The following ENY2 variants were observed in gnomAD, a reference collection of about 807,000 sequenced individuals.
ENY2 encodes transcription and mRNA export factor ENY2.
In ENY2, 4 loss-of-function variants were observed where a neutral mutation model predicts 15.9. The ratio of observed to expected loss-of-function variants is 0.25; its 90% CI spans 0.12 to 0.57. The LOEUF (loss-of-function observed/expected upper bound fraction) is 0.57, where lower values mean the gene tolerates loss of function less well. Among genes scored for constraint, ENY2 ranks in the 20% least tolerant of loss-of-function variants. The pLI is 0.91. For missense variants in ENY2, 54 were observed against 117.2 expected (o/e 0.46, Z 2.49); for synonymous variants, 48 against 38.0 (o/e 1.26, Z -0.97).
chr8:109,338,394 A>C (rs1405994829), intron 2 of ENY2: 1 of 152,220 alleles, frequency 6.6e-6, no homozygotes, highest in Non-Finnish European at 1.5e-5. Context: ...GAGGAACCAG[A>C]AGAATGGAAT....
In ENY2 at chr8:109,336,124, C is replaced by G. The variant is rs1586325007; in HGVS notation, c.7-4C>G. On this transcript the variant is annotated splice_region_variant and splice_polypyrimidine_tract_variant and intron_variant, in intron 1 of 4. Coordinates refer to ENST00000521688, the MANE Select transcript of ENY2 (RefSeq NM_020189.6). ...TATATCTGAAAGTACATGTTGATGT[C>G]CAGGTTAGCAAGATGAACAAAGATG... 1 of 1,612,786 alleles carries G rather than the reference C, an allele frequency of 6.2e-7. No homozygotes were observed.
At chr8:109,342,854 T>A in intron 4 of ENY2, 1 of 564,444 alleles carries the variant, frequency 1.8e-6, no homozygotes, top group Non-Finnish European at 3.2e-6. Flanking sequence ...TGGTAAAATA[T>A]GCTATGTAAA....
At position 109,339,328 on chromosome 8, in the gene ENY2, A is replaced by T. The variant is rs1261900681; in HGVS notation, c.92A>T (p.Glu31Val). The stretch of plus-strand genomic sequence containing the variant: ...CACTTCTGTTTCAACAGCCTCAAAG[A>T]GTTGCTGAGAGCTAAATTAATTGAA... ...IETGERERLK[E>V]LLRAKLIECG... The change falls in exon 3 of 5, where the codon GAG becomes GTG. Residue 31 changes from glutamate (E) to valine (V), a missense_variant. By Grantham distance (121) the Glu-to-Val change is moderately radical (BLOSUM62 -2). Coordinates refer to ENST00000521688, the MANE Select transcript of ENY2 (RefSeq NM_020189.6). 2 of 1,613,678 alleles carry T rather than the reference A, an allele frequency of 1.2e-6. No homozygotes were observed. The highest frequency in any genetic ancestry group is 3.3e-5 in the Admixed American group (2 of 60,006).
rs544787373 is a variant in ENY2, at chr8:109,339,546, G to A, written c.154+156G>A. On this transcript the variant is annotated intron_variant, in intron 3 of 4. Transcript: ENST00000521688. The stretch of plus-strand genomic sequence containing the variant: ...TGGTTTCCTCTTGGTGGCATATGTA[G>A]ACCTAATTCCCAAATTTTTAGAAAT... The A allele has an allele frequency of 2.5e-5, 14 of 569,534 alleles. No homozygotes were observed. The South Asian group carries it at 4.3e-4, about 17-fold the overall frequency. 35.3% of individuals were successfully genotyped at this position (569,534 alleles called of 1,614,324 possible).
chr8:109,337,056 G>C (rs1034911207), intron 2 of ENY2, among the ~76,000 whole-genome samples: 14 of 112,610 alleles, frequency 1.2e-4, no homozygotes, highest in African/African-American at 4.0e-4. Flanking sequence ...CTTTATTTTT[G>C]GATGATGGGA....
Position 109,334,383 on chromosome 8 carries a change from C to G in ENY2, c.-86C>G, listed in dbSNP as rs1269142689. The G allele has an allele frequency of 3.2e-5, 51 of 1,596,194 alleles. No individual in the cohort carries two copies. The highest frequency in any genetic ancestry group is 4.0e-5 in the Non-Finnish European group (47 of 1,167,286). Reference sequence around the variant, plus strand: ...TGCCCGAGCTACTGAGGGTCTAAGTCCGGGCAGCCGAAGAGTGTGGTAGGT... The same window carrying G: ...TGCCCGAGCTACTGAGGGTCTAAGTGCGGGCAGCCGAAGAGTGTGGTAGGT... On this transcript the variant is annotated 5_prime_UTR_variant, in exon 1 of 5. Transcript: ENST00000521688.
At chr8:109,343,093 T>C (rs1465176865) in intron 4 of ENY2, among the ~76,000 whole-genome samples, 1 of 152,238 alleles carries the variant, frequency 6.6e-6, no homozygotes, top group Non-Finnish European at 1.5e-5. Flanking sequence ...AAATTGTTAC[T>C]ATGTTTTAAT....
At chr8:109,343,153 A>G (rs149598768) in intron 4 of ENY2, among the ~76,000 whole-genome samples, 210 of 152,208 alleles carry the variant, frequency 1.4e-3, no homozygotes, top group Middle Eastern at 3.4e-3. Flanking sequence ...GGTCTTCTTT[A>G]CTCCTAAAGA....
intron 4 of ENY2, chr8:109,342,907 T>C (rs774582849): frequency 5.9e-6 from 3 of 504,266 alleles, no homozygotes; most frequent in Non-Finnish European, 1.0e-5. Context: ...GGGACCCTTT[T>C]ATGTTCAAAA....
Position 109,343,579 on chromosome 8 carries a change from A to G in ENY2, c.*98A>G. The G allele has an allele frequency of 9.2e-7, 1 of 1,089,838 alleles. No individual in the cohort carries two copies. The highest frequency in any genetic ancestry group is 1.3e-6 in the Non-Finnish European group (1 of 745,164). 67.5% of individuals were successfully genotyped at this position (1,089,838 alleles called of 1,614,324 possible). A position where few individuals can be genotyped will look rare whatever the true frequency, so the allele number is the denominator to read the frequency against. On this transcript the variant is annotated 3_prime_UTR_variant, in exon 5 of 5. Transcript: ENST00000521688. ...CCAAAATAAAATCCTTTTTTGTATG[A>G]TGGTATACAGTTTTCAGTAATGATG... is the stretch of plus-strand genomic sequence containing the variant.
Position 109,343,409 on chromosome 8 carries a change from G to C in ENY2, c.234G>C (p.Leu78=). Residue 78 remains leucine (L), a synonymous_variant, in exon 5 of 5, where the codon CTG becomes CTC. Coordinates refer to ENST00000521688, the MANE Select transcript of ENY2 (RefSeq NM_020189.6). The part of the protein sequence containing the change: ...VAEITPKGRA[L]VPDSVKKELL... ...TTTTTTATTTTTGTTTTTCAGCCCT[G>C]GTACCTGACAGTGTAAAGAAGGAGC... The C allele has an allele frequency of 6.2e-7, 1 of 1,604,880 alleles. No homozygotes were observed. Among genetic ancestry groups the C allele is most frequent in the East Asian group, 2.2e-5 (1 of 44,590 alleles).
chr8:109,337,874 G>C (rs1451974994), intron 2 of ENY2, among the ~76,000 whole-genome samples: 8 of 152,074 alleles, frequency 5.3e-5, no homozygotes, highest in Admixed American at 3.9e-4. Flanking sequence ...ACTCCAGCCT[G>C]GGTGATAAGA....
At position 109,345,837 on chromosome 8, in the gene ENY2, T is replaced by G. The variant is rs1180776955; in HGVS notation, c.*2356T>G. Reference sequence around the variant, plus strand: ...AAAGAGCATAGCTTTAAAATGATAGTGCTGAGAACTCCCCACCTCTACCCC... The same window carrying G: ...AAAGAGCATAGCTTTAAAATGATAGGGCTGAGAACTCCCCACCTCTACCCC... On this transcript the variant is annotated 3_prime_UTR_variant, in exon 5 of 5. Coordinates refer to ENST00000521688, the MANE Select transcript of ENY2 (RefSeq NM_020189.6). 1 of 152,148 alleles carries G rather than the reference T, an allele frequency of 6.6e-6. No homozygotes were observed. The highest frequency in any genetic ancestry group is 1.5e-5 in the Non-Finnish European group (1 of 68,020). The allele number at this position is 152,148 out of a possible 1,614,324, so 9.4% of individuals were successfully genotyped here.
intron 4 of ENY2, among the ~76,000 whole-genome samples, chr8:109,341,506 A>C (rs1816111366): frequency 1.3e-5 from 2 of 152,042 alleles, no homozygotes; most frequent in Admixed American, 1.3e-4. Flanking sequence ...AATTTCTCTA[A>C]ATTGATTTTG....
chr8:109,336,018 T>G (rs1815974198), intron 1 of ENY2, 110 bp from the exon 2 acceptor site: 1 of 899,112 alleles, frequency 1.1e-6, no homozygotes, highest in Admixed American at 2.3e-5. Flanking sequence ...TTGAAATGTA[T>G]CACCCCTTCA....
At chr8:109,341,688 A>G (rs564453192) in intron 4 of ENY2, among the ~76,000 whole-genome samples, 1 of 152,326 alleles carries the variant, frequency 6.6e-6, no homozygotes, top group African/African-American at 2.4e-5. Context: ...GTAAAAATAG[A>G]TATTTTAATT....
At chr8:109,334,779 C>T (rs1184917644) in intron 1 of ENY2, 3 of 472,590 alleles carry the variant, frequency 6.3e-6, no homozygotes, top group African/African-American at 2.0e-5. Context: ...AGTGACTTGT[C>T]CAAGGTCACT....
At chr8:109,338,451 A>C (rs747126194) in intron 2 of ENY2, 11 of 152,176 alleles carry the variant, frequency 7.2e-5, no homozygotes, top group African/African-American at 9.7e-5. Flanking sequence ...GTAGAAAATC[A>C]AAAGTTGGAT....
At position 109,334,379 on chromosome 8, in the gene ENY2, A is replaced by C; in HGVS notation, c.-90A>C. ...TAGGTGCCCGAGCTACTGAGGGTCT[A>C]AGTCCGGGCAGCCGAAGAGTGTGGT... On this transcript the variant is annotated 5_prime_UTR_variant, in exon 1 of 5. Coordinates refer to ENST00000521688, the MANE Select transcript of ENY2 (RefSeq NM_020189.6). 6.3e-7 allele frequency: 1 copy of C among 1,589,214 alleles called. No homozygotes were observed. The highest frequency in any genetic ancestry group is 8.6e-7 in the Non-Finnish European group (1 of 1,161,566).
Sources: allele counts gnomAD v4.1 joint callset (sites outside exome capture counted in the v4.1 genomes callset), GRCh38; gene constraint gnomAD v4.1.1; transcripts MANE v1.5; gene names NCBI Gene and HGNC (gene_info 2026-07-23, HGNC 2026-07-21).